LRRC59: variants seen among roughly 807,000 people sequenced by gnomAD.
LRRC59 encodes leucine-rich repeat-containing protein 59.
A neutral mutation model predicts 33.5 loss-of-function variants in LRRC59; 18 were observed. The ratio of observed to expected loss-of-function variants is 0.54; its 90% confidence interval spans 0.37 to 0.80. The LOEUF is 0.80. LRRC59 is among the 30% of genes least tolerant of loss of function. The pLI is 0.00. For missense variants in LRRC59, 330 were observed against 391.9 expected (o/e 0.84, Z 1.33); for synonymous variants, 138 against 160.0 (o/e 0.86, Z 1.04).
Position 50,383,011 on chromosome 17 carries a change from G to A in LRRC59, c.901C>T (p.Leu301Phe), listed in dbSNP as rs1342463854. 6.2e-7 allele frequency: 1 copy of A among 1,612,946 alleles called. No individual in the cohort carries two copies. The highest frequency in any genetic ancestry group is 8.5e-7 in the Non-Finnish European group (1 of 1,180,006). ...LRRHEILQWVLQTDSQQ is the reference protein window; with the variant it reads ...LRRHEILQWVFQTDSQQ ...GCTCACTGCTGAGAGTCGGTCTGGAGGACCCACTGGAGGATCTCATGGCGG... is the reference window on the plus strand; with the variant it reads ...GCTCACTGCTGAGAGTCGGTCTGGAAGACCCACTGGAGGATCTCATGGCGG... Residue 301 changes from leucine to phenylalanine, a missense_variant, in exon 7 of 7, where the codon CTC (leucine) becomes TTC (phenylalanine). Transcript: ENST00000225972.
At chr17:50,392,950 A>G in intron 2 of LRRC59, 53 bp from the exon 3 acceptor site, 1 of 1,547,284 alleles carries the variant, frequency 6.5e-7, no homozygotes, top group Non-Finnish European at 8.9e-7. Context: ...ACGAGCCACG[A>G]CAGCTTTAAA....
intron 2 of LRRC59, 26 bp downstream of exon 2, chr17:50,394,903 G>C (rs141695120): frequency 1.3e-6 from 2 of 1,547,738 alleles, no homozygotes; most frequent in Admixed American, 3.4e-5. Context: ...GCACCAGAAG[G>C]AGTCACGGCT....
In LRRC59 at chr17:50,385,350, T is replaced by A. The variant is rs534597347; in HGVS notation, c.503-59A>T. On this transcript the variant is annotated intron_variant, in intron 5 of 6. Transcript: ENST00000225972. Reference sequence around the variant, plus strand: ...CTCACAAACACTCCAGCAGTTTGCTTTCCCAAGTGATTAAAAGTACAGATT... The same window carrying A: ...CTCACAAACACTCCAGCAGTTTGCTATCCCAAGTGATTAAAAGTACAGATT... The A allele has an allele frequency of 9.6e-6, 15 of 1,556,898 alleles. No homozygotes were observed. The African/African-American group carries it at 1.9e-4, about 20-fold the overall frequency.
At chr17:50,397,000 C>T (rs1914290189) in intron 1 of LRRC59, 2 of 425,892 alleles carry the variant, frequency 4.7e-6, no homozygotes, top group South Asian at 1.2e-4. Flanking sequence ...AGCAGATCTT[C>T]CCTATGTTCT....
At chr17:50,395,725 C>G (rs561813225) in intron 1 of LRRC59, among the ~76,000 whole-genome samples, 238 of 152,234 alleles carry the variant, frequency 1.6e-3, no homozygotes, top group Admixed American at 2.6e-3. Flanking sequence ...ACCAGCCTGA[C>G]CAACACGGAG....
At chr17:50,387,971 ACT>A in intron 5 of LRRC59, 87 bp downstream of exon 5, 1 of 1,287,824 alleles carries the variant, frequency 7.8e-7, no homozygotes, top group Non-Finnish European at 1.1e-6. Context: ...CTTCATGACT[ACT>A]CTACTGGATC....
rs763103270 is a variant in LRRC59 at position 50,392,768 on chromosome 17, T to C, written c.295A>G (p.Thr99Ala). ...HLDLLNNKLV[T>A]LPVSFAQLKN... The stretch of plus-strand genomic sequence containing the variant: ...AGCTGAGCAAAGCTGACAGGCAAGG[T>C]GACCAGCTTGTTGTTGAGGAGATCC... The change falls in exon 3 of 7, where the codon ACC becomes GCC. Residue 99 changes from threonine to alanine, a missense_variant. Coordinates refer to ENST00000225972, the MANE Select transcript of LRRC59 (RefSeq NM_018509.4). 3.1e-6 allele frequency: 5 copies of C among 1,614,042 alleles called. No homozygotes were observed. In the East Asian group the frequency reaches 1.1e-4, roughly 36 times the overall value.
chr17:50,397,043 G>C (rs531471972), intron 1 of LRRC59, 170 bp downstream of exon 1: 22 of 467,036 alleles, frequency 4.7e-5, no homozygotes, highest in African/African-American at 4.1e-4. Flanking sequence ...TGTACATCCC[G>C]GGAAGAACCT....
rs11405361 is a variant in LRRC59 at position 50,395,356 on chromosome 17, C to CAAA, written c.106-371_106-369dup. Among the ~76,000 whole-genome samples, 245 of 127,074 alleles carry CAAA rather than the reference C, an allele frequency of 1.9e-3. 2 individuals carry two copies. The highest frequency in any genetic ancestry group is 4.0e-3 in the African/African-American group (133 of 33,358). 83.4% of individuals were successfully genotyped at this position (127,074 alleles called of 152,430 possible). ...TGCACAACACAGTGAGACCCCATCT[C>CAAA]AAAAAAAAAAAAAAAGAAAGGAAGG... On this transcript the variant is annotated intron_variant, in intron 1 of 6. Transcript: ENST00000225972.
chr17:50,394,347 G>A (rs1411667538), intron 2 of LRRC59, among the ~76,000 whole-genome samples: 2 of 152,136 alleles, frequency 1.3e-5, no homozygotes, highest in African/African-American at 2.4e-5. Context: ...CTACACAGGT[G>A]GAGTGGAAGG....
rs1053533217 is a variant in LRRC59 at position 50,382,993 on chromosome 17, G to T, written c.919C>A (p.Gln307Lys). Residue 307 changes from glutamine (Q) to lysine (K), a missense_variant, in exon 7 of 7, where the codon CAG (glutamine) becomes AAG (lysine). Gln to Lys is a moderately conservative substitution (Grantham distance 53, BLOSUM62 1). Coordinates refer to ENST00000225972, the MANE Select transcript of LRRC59 (RefSeq NM_018509.4). ...LQWVLQTDSQ[Q>K] ...AGCAGGTGCTGGGGACAAGCTCACT[G>T]CTGAGAGTCGGTCTGGAGGACCCAC... 1 of 1,612,620 alleles carries T rather than the reference G, an allele frequency of 6.2e-7. No individual in the cohort carries two copies. The highest frequency in any genetic ancestry group is 1.7e-5 in the Admixed American group (1 of 60,028).
intron 5 of LRRC59, among the ~76,000 whole-genome samples, chr17:50,387,653 G>C (rs1483869743): frequency 2.6e-5 from 4 of 152,156 alleles, no homozygotes; most frequent in Non-Finnish European, 5.9e-5. Flanking sequence ...CATAGGACTT[G>C]CTGACAGATT....
rs1253608685 is a variant in LRRC59 at position 50,392,383 on chromosome 17, G to C, written c.429+15C>G. ...GAGTGTATAAGGAGCCACTGGGAGG[G>C]AGCTTGGTGCTTACCTTGTTTGCAC... On this transcript the variant is annotated intron_variant, in intron 4 of 6. Coordinates refer to ENST00000225972, the MANE Select transcript of LRRC59 (RefSeq NM_018509.4). 1 of 1,609,448 alleles carries C rather than the reference G, an allele frequency of 6.2e-7. No individual in the cohort carries two copies. The highest frequency in any genetic ancestry group is 8.5e-7 in the Non-Finnish European group (1 of 1,176,050).
In LRRC59 at chr17:50,397,362, TGA is replaced by T. The variant is rs1227656505; in HGVS notation, c.-47_-46del. ...GCCCCGGCTCCGGGGTTCCGGCGGG[TGA>T]AAGGAGCTGAAATGTCGCTTGTCAG... On this transcript the variant is annotated 5_prime_UTR_variant, in exon 1 of 7. Transcript: ENST00000225972. The T allele has an allele frequency of 6.9e-7, 1 of 1,450,930 alleles. No individual in the cohort carries two copies. 89.9% of individuals were successfully genotyped at this position (1,450,930 alleles called of 1,614,324 possible).
chr17:50,384,454 T>C (rs8069391), intron 6 of LRRC59, among the ~76,000 whole-genome samples: 3,136 of 152,130 alleles, frequency 0.021, 53 homozygotes, highest in Middle Eastern at 0.054. Context: ...GCCACAGAAC[T>C]TTACTGTAAG....
intron 2 of LRRC59, among the ~76,000 whole-genome samples, 175 bp from the exon 3 acceptor site, chr17:50,393,072 A>G (rs547817476): frequency 5.9e-5 from 9 of 152,264 alleles, no homozygotes; most frequent in Admixed American, 4.6e-4. Flanking sequence ...TCTTCTTCCA[A>G]TGTGGCCCAG....
In LRRC59 at chr17:50,395,327, G is replaced by A. The variant is rs111341006; in HGVS notation, c.106-339C>T. On this transcript the variant is annotated intron_variant, in intron 1 of 6. Coordinates refer to ENST00000225972, the MANE Select transcript of LRRC59 (RefSeq NM_018509.4). ...CCCAGGAGTTCAGGAGTTTGAGGCC[G>A]GCCTGCACAACACAGTGAGACCCCA... is the stretch of plus-strand genomic sequence containing the variant. 7.5e-5 allele frequency among the ~76,000 whole-genome samples: 11 copies of A among 146,674 alleles called. No individual in the cohort carries two copies. In the East Asian group the frequency reaches 7.9e-4, roughly 11 times the overall value.
chr17:50,390,546 T>A (rs117209275), intron 4 of LRRC59, among the ~76,000 whole-genome samples: 1 of 152,114 alleles, frequency 6.6e-6, no homozygotes, highest in Admixed American at 6.6e-5. Context: ...ATGGGACAGA[T>A]TGTCATAGTC....
Position 50,382,814 on chromosome 17 carries a change from A to G in LRRC59, c.*174T>C. On this transcript the variant is annotated 3_prime_UTR_variant, in exon 7 of 7. Coordinates refer to ENST00000225972, the MANE Select transcript of LRRC59 (RefSeq NM_018509.4). Reference sequence around the variant, plus strand: ...CCCATTTCTCCTCATTCCTTCAGGGAACCCTGACTAAGGAATGAAGAAGTC... The same window carrying G: ...CCCATTTCTCCTCATTCCTTCAGGGGACCCTGACTAAGGAATGAAGAAGTC... The G allele has an allele frequency of 1.3e-6, 1 of 779,950 alleles. No homozygotes were observed. Among genetic ancestry groups the G allele is most frequent in the Non-Finnish European group, 1.9e-6 (1 of 524,354 alleles). 48.3% of individuals were successfully genotyped at this position (779,950 alleles called of 1,614,324 possible). A position where few individuals can be genotyped will look rare whatever the true frequency, so the allele number is the denominator to read the frequency against.
Sources: allele counts gnomAD v4.1 joint callset (sites outside exome capture counted in the v4.1 genomes callset), GRCh38; gene constraint gnomAD v4.1.1; transcripts MANE v1.5; gene names NCBI Gene and HGNC (gene_info 2026-07-23, HGNC 2026-07-21).